Variants in PDHX observed in about 807,000 individuals in gnomAD.
PDHX encodes the protein pyruvate dehydrogenase complex component X.
PDHX carries 33 observed loss-of-function variants against 55.3 expected under a neutral mutation model. The ratio of observed to expected loss-of-function variants is 0.60; its 90% CI spans 0.45 to 0.80. PDHX has a LOEUF of 0.80. Among genes scored for constraint, PDHX ranks in the 30% least tolerant of loss-of-function variants. The pLI is 0.00. For missense variants in PDHX, 622 were observed against 619.9 expected, an observed-to-expected ratio of 1.00 and a Z score of -0.04; for synonymous variants, 226 against 219.4, an observed-to-expected ratio of 1.03 and a Z score of -0.27.
At chr11:34,920,831 GT>G (rs1356199600) in intron 1 of PDHX, among the ~76,000 whole-genome samples, 1 of 152,144 alleles carries the variant, frequency 6.6e-6, no homozygotes, top group Non-Finnish European at 1.5e-5. Flanking sequence ...GTGTATATGT[GT>G]AAAGGAGGAA....
At chr11:34,989,382 A>G (rs1320374433) in intron 9 of PDHX, among the ~76,000 whole-genome samples, 13 of 152,118 alleles carry the variant, frequency 8.5e-5, no homozygotes, top group Admixed American at 8.5e-4. Context: ...ACTGGGAGAA[A>G]AAAAGGGTTA....
rs80351795 is a variant in PDHX at position 34,926,379 on chromosome 11, C to T, written c.161-5025C>T. On this transcript the variant is annotated intron_variant, in intron 1 of 10. Coordinates refer to ENST00000227868, the MANE Select transcript of PDHX (RefSeq NM_003477.3). ...AGTGATTAAATGAACAGTCTCTCTC[C>T]CTATTAGAGAAGAAGCAAATTAATG... 4.8e-3 allele frequency among the ~76,000 whole-genome samples: 736 copies of T among 152,184 alleles called. 2 individuals carry two copies. The highest frequency in any genetic ancestry group is 0.017 in the African/African-American group (702 of 41,524).
intron 5 of PDHX, among the ~76,000 whole-genome samples, chr11:34,964,733 T>C (rs1855089716): frequency 6.6e-6 from 1 of 151,738 alleles, no homozygotes; most frequent in East Asian, 1.9e-4. Context: ...AACTGCTTTT[T>C]AAAAAATAAA....
intron 9 of PDHX, among the ~76,000 whole-genome samples, chr11:34,986,371 A>AGATTGGTTTACT (rs1490224909): frequency 2.0e-5 from 3 of 151,784 alleles, no homozygotes; most frequent in African/African-American, 7.3e-5. Flanking sequence ...AAAGTAATAG[A>AGATTGGTTTACT]GATTGGTTTA....
chr11:34,967,831 T>C (rs955036591), intron 6 of PDHX, among the ~76,000 whole-genome samples: 2 of 152,236 alleles, frequency 1.3e-5, no homozygotes, highest in African/African-American at 4.8e-5. Flanking sequence ...TAATGATTAA[T>C]ATACTGCATA....
intron 1 of PDHX, among the ~76,000 whole-genome samples, chr11:34,923,367 C>A (rs969811829): frequency 1.3e-5 from 2 of 152,098 alleles, no homozygotes; most frequent in African/African-American, 4.8e-5. Context: ...AATATATTAG[C>A]CCTGGTTTTT....
chr11:34,921,454 A>AAGTAGACCAG (rs1853877083), intron 1 of PDHX, among the ~76,000 whole-genome samples: 1 of 138,090 alleles, frequency 7.2e-6, no homozygotes, highest in African/African-American at 2.7e-5. Context: ...AACTGACCCA[A>AAGTAGACCAG]AGTAGACCAG....
At chr11:34,957,611 T>G in intron 4 of PDHX, 28 bp downstream of exon 4, 1 of 1,570,578 alleles carries the variant, frequency 6.4e-7, no homozygotes, top group Non-Finnish European at 8.8e-7. Flanking sequence ...CAAAGGATGA[T>G]GTAAAAAAAA....
intron 2 of PDHX, among the ~76,000 whole-genome samples, chr11:34,946,592 A>C (rs1022478567): frequency 2.6e-5 from 4 of 152,142 alleles, no homozygotes; most frequent in African/African-American, 9.7e-5. Context: ...TATTGGGGAT[A>C]TTGGCAGATA....
intron 6 of PDHX, among the ~76,000 whole-genome samples, chr11:34,969,251 A>G (rs1271081248): frequency 2.0e-5 from 3 of 152,162 alleles, no homozygotes; most frequent in African/African-American, 7.2e-5. Context: ...CGATGGGTTC[A>G]TCAGAGTGTC....
At chr11:34,981,453 A>G (rs527412071) in intron 8 of PDHX, among the ~76,000 whole-genome samples, 9 of 152,338 alleles carry the variant, frequency 5.9e-5, no homozygotes, top group East Asian at 1.9e-4. Flanking sequence ...TAGTGCCACA[A>G]TAAACATATG....
chr11:34,939,516 C>T (rs1009197513), intron 2 of PDHX, among the ~76,000 whole-genome samples: 1 of 150,852 alleles, frequency 6.6e-6, no homozygotes. Context: ...CACTTGCATG[C>T]GCGCAGCGTT....
chr11:34,927,139 C>T (rs1369920708), intron 1 of PDHX, among the ~76,000 whole-genome samples: 2 of 152,052 alleles, frequency 1.3e-5, no homozygotes, highest in African/African-American at 4.8e-5. Flanking sequence ...TGTTTTGTAA[C>T]TGCTGTGGAA....
intron 10 of PDHX, among the ~76,000 whole-genome samples, chr11:34,993,705 C>G (rs1590776386): frequency 6.6e-6 from 1 of 152,108 alleles, no homozygotes; most frequent in Non-Finnish European, 1.5e-5. Context: ...ATTTTGTTCA[C>G]CCTCAAGATT....
intron 1 of PDHX, among the ~76,000 whole-genome samples, chr11:34,930,518 G>A (rs1854132953): frequency 6.6e-6 from 1 of 152,162 alleles, no homozygotes; most frequent in Non-Finnish European, 1.5e-5. Flanking sequence ...GCTTGTTTGG[G>A]TCTGGAAAGT....
At chr11:34,922,855 A>G (rs1447048490) in intron 1 of PDHX, among the ~76,000 whole-genome samples, 2 of 134,982 alleles carry the variant, frequency 1.5e-5, no homozygotes, top group Non-Finnish European at 3.1e-5. Flanking sequence ...GTAAATTCCC[A>G]AAGTATCGTT....
intron 8 of PDHX, among the ~76,000 whole-genome samples, chr11:34,981,021 T>C (rs553855884): frequency 6.6e-6 from 1 of 152,100 alleles, no homozygotes; most frequent in Admixed American, 6.6e-5. Flanking sequence ...TATTATACTT[T>C]AAGTTTTAGG....
At chr11:34,946,955 G>C (rs958346503) in intron 2 of PDHX, among the ~76,000 whole-genome samples, 1 of 152,148 alleles carries the variant, frequency 6.6e-6, no homozygotes, top group Non-Finnish European at 1.5e-5. Context: ...TGAGTTTCCA[G>C]ATATTTTCTG....
chr11:34,936,341 A>G (rs1240748797), intron 2 of PDHX, among the ~76,000 whole-genome samples: 1 of 152,150 alleles, frequency 6.6e-6, no homozygotes, highest in African/African-American at 2.4e-5. Context: ...GAGTTTGTTC[A>G]TGTTTGTGCT....
Sources: allele counts gnomAD v4.1 joint callset (sites outside exome capture counted in the v4.1 genomes callset), GRCh38; gene constraint gnomAD v4.1.1; transcripts MANE v1.5; gene names NCBI Gene and HGNC (gene_info 2026-07-23, HGNC 2026-07-21).